SCFD2: variants seen among roughly 807,000 people sequenced by gnomAD.
The protein encoded by SCFD2 is sec1 family domain containing 2.
In SCFD2, 54 loss-of-function variants were observed where a neutral mutation model predicts 58.9. The observed-to-expected ratio is 0.92, with a 90% confidence interval of 0.74 to 1.15. The LOEUF is 1.15. Ranked by LOEUF, SCFD2 falls within the 50% of genes most tolerant of loss-of-function variation. SCFD2 has a pLI of 0.00. For synonymous variants in SCFD2, 321 were observed against 335.9 expected (o/e 0.96, Z 0.49); for missense variants, 805 against 836.6 (o/e 0.96, Z 0.47).
At chr4:53,148,409 T>C (rs1212720961) in intron 4 of SCFD2, among the ~76,000 whole-genome samples, 1 of 152,212 alleles carries the variant, frequency 6.6e-6, no homozygotes, top group Admixed American at 6.5e-5. Flanking sequence ...ACGAAGCCTA[T>C]AACTGATCTG....
intron 7 of SCFD2, among the ~76,000 whole-genome samples, chr4:52,887,161 T>A (rs1206869994): frequency 5.9e-5 from 9 of 152,160 alleles, no homozygotes; most frequent in Non-Finnish European, 1.2e-4. Flanking sequence ...TAGTTAAAGC[T>A]TTAGGTAGGT....
chr4:53,298,424 G>C (rs1386995203), intron 3 of SCFD2, among the ~76,000 whole-genome samples: 1 of 152,214 alleles, frequency 6.6e-6, no homozygotes, highest in Non-Finnish European at 1.5e-5. Flanking sequence ...GCTCAGGCTT[G>C]AGTAGGTAAA....
At chr4:53,084,830 G>T (rs112220582) in intron 5 of SCFD2, among the ~76,000 whole-genome samples, 1 of 152,172 alleles carries the variant, frequency 6.6e-6, no homozygotes, top group Non-Finnish European at 1.5e-5. Context: ...ATTTGATAAA[G>T]TTCAACATTC....
intron 4 of SCFD2, among the ~76,000 whole-genome samples, chr4:53,187,762 A>C (rs1197835610): frequency 1.3e-5 from 2 of 152,124 alleles, no homozygotes; most frequent in African/African-American, 4.8e-5. Flanking sequence ...ATCTGAAAGG[A>C]AAGATATCAA....
chr4:52,962,047 A>G (rs1720864562), intron 5 of SCFD2, among the ~76,000 whole-genome samples: 1 of 152,238 alleles, frequency 6.6e-6, no homozygotes, highest in South Asian at 2.1e-4. Flanking sequence ...TTGAGAGGAT[A>G]GTGGTTCCAC....
chr4:53,283,153 C>T (rs1731557282), intron 3 of SCFD2, among the ~76,000 whole-genome samples: 2 of 152,212 alleles, frequency 1.3e-5, no homozygotes, highest in African/African-American at 4.8e-5. Context: ...CTTTAGAAGA[C>T]TCCCTTGTAT....
intron 5 of SCFD2, among the ~76,000 whole-genome samples, chr4:53,077,742 G>T (rs1219560863): frequency 6.6e-6 from 1 of 152,110 alleles, no homozygotes; most frequent in African/African-American, 2.4e-5. Context: ...CTGGCCTCAT[G>T]AACATTTATT....
intron 3 of SCFD2, among the ~76,000 whole-genome samples, chr4:53,297,901 C>T (rs1287995119): frequency 1.3e-5 from 2 of 152,152 alleles, no homozygotes; most frequent in East Asian, 3.8e-4. Context: ...TTTTATTTCT[C>T]CTTCACTTAT....
chr4:52,996,446 T>C (rs1721743549), intron 5 of SCFD2, among the ~76,000 whole-genome samples: 1 of 152,252 alleles, frequency 6.6e-6, no homozygotes. Flanking sequence ...AAAGCTGTTT[T>C]ATGTTTCAGC....
chr4:53,026,997 C>T (rs117971819), intron 5 of SCFD2, among the ~76,000 whole-genome samples: 8 of 152,302 alleles, frequency 5.3e-5, no homozygotes, highest in East Asian at 1.9e-4. Context: ...TTGCCTGTCA[C>T]CCTAGTGACC....
chr4:53,169,695 G>A (rs776178363), intron 4 of SCFD2, among the ~76,000 whole-genome samples: 11 of 151,928 alleles, frequency 7.2e-5, no homozygotes, highest in African/African-American at 9.7e-5. Flanking sequence ...CCACATCCTC[G>A]CCCACACATC....
intron 5 of SCFD2, among the ~76,000 whole-genome samples, chr4:53,022,389 A>C (rs190994371): frequency 6.6e-6 from 1 of 152,310 alleles, no homozygotes; most frequent in Admixed American, 6.5e-5. Flanking sequence ...CTCACATTAA[A>C]TCAGGCAGCA....
intron 4 of SCFD2, among the ~76,000 whole-genome samples, chr4:53,249,019 G>A (rs1044666956): frequency 2.0e-5 from 3 of 152,140 alleles, no homozygotes; most frequent in African/African-American, 4.8e-5. Flanking sequence ...GCTATGGGAG[G>A]AAATTCAAAC....
At chr4:52,970,867 G>A (rs992039753) in intron 5 of SCFD2, among the ~76,000 whole-genome samples, 3 of 152,134 alleles carry the variant, frequency 2.0e-5, no homozygotes, top group Admixed American at 6.5e-5. Flanking sequence ...ACCAATATCC[G>A]CTGTTGTGCA....
chr4:53,331,889 A>C (rs1733486381), intron 2 of SCFD2, among the ~76,000 whole-genome samples: 2 of 152,222 alleles, frequency 1.3e-5, no homozygotes, highest in African/African-American at 4.8e-5. Context: ...AATCAAATAG[A>C]GGCAATAAAA....
At chr4:52,970,266 A>G (rs1390909661) in intron 5 of SCFD2, among the ~76,000 whole-genome samples, 1 of 152,174 alleles carries the variant, frequency 6.6e-6, no homozygotes, top group Non-Finnish European at 1.5e-5. Flanking sequence ...TCCCTTTCCT[A>G]GTCAAAGAAA....
At chr4:53,275,986 TA>T (rs1395483387) in intron 3 of SCFD2, among the ~76,000 whole-genome samples, 2 of 152,190 alleles carry the variant, frequency 1.3e-5, no homozygotes, top group East Asian at 3.9e-4. Context: ...AAATTATGAA[TA>T]AAGCCTTCAC....
Position 52,873,746 on chromosome 4 carries a change from G to A in SCFD2, c.*223C>T, listed in dbSNP as rs1175749761. 1.1e-5 allele frequency: 4 copies of A among 379,120 alleles called. No homozygotes were observed. Among genetic ancestry groups the A allele is most frequent in the East Asian group, 4.5e-5 (1 of 22,200 alleles). The allele number at this position is 379,120 out of a possible 1,614,324, so 23.5% of individuals were successfully genotyped here. On this transcript the variant is annotated 3_prime_UTR_variant, in exon 9 of 9. Transcript: ENST00000401642. Reference sequence around the variant, plus strand: ...AATTGGACTCGCCAAAAGACAGACTGTCGCCTTCAGGAAAATAAAAAAACT... The same window carrying A: ...AATTGGACTCGCCAAAAGACAGACTATCGCCTTCAGGAAAATAAAAAAACT...
chr4:53,193,553 G>T (rs758471442), intron 4 of SCFD2, among the ~76,000 whole-genome samples: 1 of 152,036 alleles, frequency 6.6e-6, no homozygotes, highest in Non-Finnish European at 1.5e-5. Flanking sequence ...AAAAAACCTC[G>T]CCTAATTAAC....
Sources: allele counts gnomAD v4.1 joint callset (sites outside exome capture counted in the v4.1 genomes callset), GRCh38; gene constraint gnomAD v4.1.1; transcripts MANE v1.5; gene names NCBI Gene and HGNC (gene_info 2026-07-23, HGNC 2026-07-21).